The following ZNF704 variants were observed in gnomAD, a reference collection of about 807,000 sequenced individuals.
ZNF704 encodes zinc finger protein 704.
A neutral mutation model predicts 44.7 loss-of-function variants in ZNF704; 10 were observed. The ratio of observed to expected loss-of-function variants is 0.22; its 90% CI spans 0.14 to 0.38. The LOEUF is 0.38. Among genes scored for constraint, ZNF704 ranks in the 10% least tolerant of loss-of-function variants. The pLI is 1.00. For missense variants in ZNF704, 390 were observed against 545.5 expected, an observed-to-expected ratio of 0.71 and a Z score of 2.84; for synonymous variants, 211 against 207.6, an observed-to-expected ratio of 1.02 and a Z score of -0.14.
chr8:80,710,271 A>T (rs962747581), intron 2 of ZNF704, among the ~76,000 whole-genome samples: 1 of 149,356 alleles, frequency 6.7e-6, no homozygotes, highest in African/African-American at 2.6e-5. Context: ...TAAATAAATC[A>T]TAATAGTAAA....
At chr8:80,782,351 T>C (rs763703150) in intron 2 of ZNF704, among the ~76,000 whole-genome samples, 11 of 152,168 alleles carry the variant, frequency 7.2e-5, no homozygotes, top group Non-Finnish European at 1.5e-4. Context: ...AAAGCACAAG[T>C]TGGAGGAGAG....
intron 1 of ZNF704, among the ~76,000 whole-genome samples, chr8:80,847,546 G>A (rs185528518): frequency 1.1e-4 from 17 of 152,244 alleles, no homozygotes; most frequent in Non-Finnish European, 2.4e-4. Context: ...AATAAAATAA[G>A]AAAAGTCACC....
At chr8:80,831,069 T>C (rs1175568281) in intron 1 of ZNF704, among the ~76,000 whole-genome samples, 1 of 152,088 alleles carries the variant, frequency 6.6e-6, no homozygotes, top group Non-Finnish European at 1.5e-5. Flanking sequence ...GGTGTATTTC[T>C]AAGAACCCCT....
At chr8:80,743,084 A>T (rs923523653) in intron 2 of ZNF704, among the ~76,000 whole-genome samples, 1 of 151,356 alleles carries the variant, frequency 6.6e-6, no homozygotes, top group African/African-American at 2.4e-5. Context: ...GGAAGGAACA[A>T]TGATCGGGAT....
At chr8:80,689,320 A>G (rs1818593181) in intron 3 of ZNF704, among the ~76,000 whole-genome samples, 1 of 152,186 alleles carries the variant, frequency 6.6e-6, no homozygotes, top group Non-Finnish European at 1.5e-5. Flanking sequence ...AGAGGAGTGA[A>G]GCTTTAAGTT....
intron 4 of ZNF704, among the ~76,000 whole-genome samples, chr8:80,677,716 T>G (rs1316815029): frequency 1.3e-5 from 2 of 152,214 alleles, no homozygotes; most frequent in Non-Finnish European, 2.9e-5. Flanking sequence ...TCTATCCCAG[T>G]GCCTCACAGT....
intron 7 of ZNF704, among the ~76,000 whole-genome samples, chr8:80,647,231 A>G (rs559326816): frequency 3.3e-5 from 5 of 152,354 alleles, no homozygotes; most frequent in Admixed American, 3.3e-4. Context: ...ATAGGATAAC[A>G]GGCTAAAGTG....
At chr8:80,699,606 T>A (rs1370456335) in intron 2 of ZNF704, among the ~76,000 whole-genome samples, 1 of 152,128 alleles carries the variant, frequency 6.6e-6, no homozygotes, top group African/African-American at 2.4e-5. Flanking sequence ...ACAAAAAAAC[T>A]ATGGCCTGTG....
rs761456538 is a variant in ZNF704, at chr8:80,664,947, A to C, written c.795T>G (p.Pro265=). 2.8e-5 allele frequency: 46 copies of C among 1,614,052 alleles called. No individual in the cohort carries two copies. The highest frequency in any genetic ancestry group is 3.6e-5 in the Non-Finnish European group (43 of 1,180,040). ...TTGAATCTGGGATGGGGAAAGTAGG[A>C]GGTGAAGCCAGGGACTGGGAAGGTG... The part of the protein sequence containing the change: ...PVSPSQSLAS[P]PTFPIPDSSR... The change falls in exon 6 of 9, where the codon CCT becomes CCG. Residue 265 remains proline (P), a synonymous_variant. Transcript: ENST00000327835.
At chr8:80,737,452 C>A (rs529528767) in intron 2 of ZNF704, among the ~76,000 whole-genome samples, 2 of 152,310 alleles carry the variant, frequency 1.3e-5, no homozygotes, top group East Asian at 3.9e-4. Flanking sequence ...GTGAAGAAGG[C>A]TGCTTGAGTG....
intron 1 of ZNF704, among the ~76,000 whole-genome samples, chr8:80,834,129 G>C (rs1808518306): frequency 6.6e-6 from 1 of 152,100 alleles, no homozygotes; most frequent in African/African-American, 2.4e-5. Flanking sequence ...AGGAAGTCAA[G>C]GCTGCAGTGA....
chr8:80,765,263 C>T (rs954969511), intron 2 of ZNF704, among the ~76,000 whole-genome samples: 2 of 152,236 alleles, frequency 1.3e-5, no homozygotes, highest in South Asian at 2.1e-4. Context: ...TCTCTCCAGG[C>T]CCCCAACCAA....
At chr8:80,883,010 T>A in the ZNF704 span, among the ~76,000 whole-genome samples, 1 of 147,692 alleles carries the variant, frequency 6.8e-6, no homozygotes, top group East Asian at 2.0e-4. Context: ...GGCCGAGGCA[T>A]GTTGATCACC....
chr8:80,820,075 CA>C (rs1808243813), intron 2 of ZNF704, among the ~76,000 whole-genome samples: 1 of 152,160 alleles, frequency 6.6e-6, no homozygotes. Context: ...TGATTTTTGG[CA>C]ACAAAATGTG....
intron 2 of ZNF704, among the ~76,000 whole-genome samples, chr8:80,750,174 T>G (rs976724085): frequency 3.3e-5 from 5 of 152,104 alleles, no homozygotes; most frequent in Non-Finnish European, 7.4e-5. Flanking sequence ...CCCAGGCAGC[T>G]GCAACATGGA....
chr8:80,852,296 T>C (rs1808878465), intron 1 of ZNF704, among the ~76,000 whole-genome samples: 1 of 152,178 alleles, frequency 6.6e-6, no homozygotes, highest in African/African-American at 2.4e-5. Flanking sequence ...TGCTTCCACA[T>C]TTTCATACTT....
rs1817599003 is a variant in ZNF704 at position 80,632,242 on chromosome 8, C to T, written c.*9124G>A. On this transcript the variant is annotated 3_prime_UTR_variant, in exon 9 of 9. Transcript: ENST00000327835. ...GCAGTGAAATCTTGGCTCACTGCAA[C>T]CTCTGCCTGCAGTTTCAAGGGATTC... The T allele has an allele frequency of 6.6e-6, 1 of 152,220 alleles. No individual in the cohort carries two copies. The highest frequency in any genetic ancestry group is 2.4e-5 in the African/African-American group (1 of 41,446). 9.4% of individuals were successfully genotyped at this position (152,220 alleles called of 1,614,324 possible).
At chr8:80,677,346 A>T (rs1563515439) in intron 4 of ZNF704, among the ~76,000 whole-genome samples, 2 of 152,198 alleles carry the variant, frequency 1.3e-5, no homozygotes, top group African/African-American at 4.8e-5. Flanking sequence ...ATTGACAAGT[A>T]GTTAAGGTTG....
intron 2 of ZNF704, among the ~76,000 whole-genome samples, chr8:80,768,451 C>T (rs1230739388): frequency 6.6e-6 from 1 of 152,002 alleles, no homozygotes; most frequent in Non-Finnish European, 1.5e-5. Flanking sequence ...CACATGAACA[C>T]AAAAAGGTTT....
Sources: gnomAD v4.1 joint callset for allele counts (sites outside exome capture counted in the v4.1 genomes callset) on GRCh38, gnomAD v4.1.1 for gene constraint, MANE v1.5 for transcripts, NCBI Gene and HGNC (gene_info 2026-07-23, HGNC 2026-07-21) for gene names.